The following PIAS2 variants were observed in gnomAD, a reference collection of about 807,000 sequenced individuals.
PIAS2 encodes the protein E3 SUMO-protein ligase PIAS2.
Under a neutral mutation model 69.7 loss-of-function variants are expected in PIAS2, and 19 were observed. The ratio of observed to expected loss-of-function variants is 0.27; its 90% CI spans 0.19 to 0.40. The LOEUF (loss-of-function observed/expected upper bound fraction) is 0.40, where lower values mean the gene tolerates loss of function less well. PIAS2 is among the 10% of genes least tolerant of loss of function. PIAS2 has a pLI of 1.00. For synonymous variants in PIAS2, 261 were observed against 263.2 expected, an observed-to-expected ratio of 0.99 and a Z score of 0.08; for missense variants, 624 against 757.0, an observed-to-expected ratio of 0.82 and a Z score of 2.06.
At chr18:46,838,541 CG>C (rs1364896278) in intron 8 of PIAS2, among the ~76,000 whole-genome samples, 4 of 152,066 alleles carry the variant, frequency 2.6e-5, no homozygotes, top group Non-Finnish European at 5.9e-5. Flanking sequence ...GTATGTGGCA[CG>C]ATATAACTCA....
chr18:46,899,235 C>T (rs1350028315), intron 1 of PIAS2, among the ~76,000 whole-genome samples: 1 of 151,880 alleles, frequency 6.6e-6, no homozygotes, highest in African/African-American at 2.4e-5. Flanking sequence ...GGAAGGGACA[C>T]AAAAAGTGAA....
At chr18:46,830,837 C>T (rs2043502478) in intron 9 of PIAS2, among the ~76,000 whole-genome samples, 1 of 152,150 alleles carries the variant, frequency 6.6e-6, no homozygotes, top group African/African-American at 2.4e-5. Context: ...CTACTTCCAA[C>T]TCATTGTACA....
chr18:46,817,221 T>G (rs928749004), intron 12 of PIAS2: 2 of 969,888 alleles, frequency 2.1e-6, no homozygotes, highest in African/African-American at 3.5e-5. Flanking sequence ...CAGTTCATGT[T>G]AGTAACTGAA....
intron 1 of PIAS2, among the ~76,000 whole-genome samples, chr18:46,902,705 A>AT (rs1478526407): frequency 6.6e-5 from 10 of 152,360 alleles, no homozygotes; most frequent in African/African-American, 2.4e-4. Context: ...TTTTGTAGAT[A>AT]TAGATGAGAT....
At chr18:46,813,732 C>T (rs1441957145) in intron 13 of PIAS2, among the ~76,000 whole-genome samples, 2 of 152,114 alleles carry the variant, frequency 1.3e-5, no homozygotes, top group Admixed American at 6.6e-5. Flanking sequence ...GCCAGAGGGA[C>T]AGCAACAAGT....
chr18:46,850,318 G>A lies in PIAS2; in HGVS notation c.727-3477C>T, dbSNP rs552959974. Reference sequence around the variant, plus strand: ...GAATTCAAAACTAGAGCCCCACACCGCACTTAGTTAGGTCTCTGAAGTCTC... The same window carrying A: ...GAATTCAAAACTAGAGCCCCACACCACACTTAGTTAGGTCTCTGAAGTCTC... On this transcript the variant is annotated intron_variant, in intron 5 of 13. Coordinates refer to ENST00000585916, the MANE Select transcript of PIAS2 (RefSeq NM_004671.5). Among the ~76,000 whole-genome samples the A allele has an allele frequency of 1.8e-4, 27 of 152,086 alleles. No individual in the cohort carries two copies. In the South Asian group the frequency reaches 2.7e-3, roughly 15 times the overall value.
intron 1 of PIAS2, among the ~76,000 whole-genome samples, chr18:46,892,209 C>A (rs773624519): frequency 6.6e-6 from 1 of 152,124 alleles, no homozygotes; most frequent in African/African-American, 2.4e-5. Flanking sequence ...CCAGAAGCAA[C>A]TGTTTAAAAC....
At chr18:46,916,116 T>A (rs2057844163) in intron 1 of PIAS2, among the ~76,000 whole-genome samples, 4 of 152,198 alleles carry the variant, frequency 2.6e-5, no homozygotes, top group Admixed American at 1.3e-4. Flanking sequence ...AACTTAATAA[T>A]TATTTTTGAA....
At chr18:46,835,639 T>G (rs2065086794) in intron 9 of PIAS2, among the ~76,000 whole-genome samples, 1 of 152,146 alleles carries the variant, frequency 6.6e-6, no homozygotes, top group African/African-American at 2.4e-5. Flanking sequence ...CTAGGATACT[T>G]TTCACTATAT....
At chr18:46,847,457 C>A (rs2046316572) in intron 5 of PIAS2, among the ~76,000 whole-genome samples, 1 of 151,320 alleles carries the variant, frequency 6.6e-6, no homozygotes, top group Admixed American at 6.6e-5. Context: ...ATGCTTTAAT[C>A]TACTTTTATG....
chr18:46,839,454 A>C (rs2044970603), intron 8 of PIAS2, among the ~76,000 whole-genome samples: 1 of 152,164 alleles, frequency 6.6e-6, no homozygotes, highest in Non-Finnish European at 1.5e-5. Flanking sequence ...GTTCTATTTG[A>C]ATAATCTATA....
At chr18:46,904,235 A>G (rs1490349536) in intron 1 of PIAS2, 1 of 152,210 alleles carries the variant, frequency 6.6e-6, no homozygotes, top group East Asian at 1.9e-4. Context: ...GAGTATACAG[A>G]ATGTCTCTGT....
chr18:46,848,532 G>A (rs2046478755), intron 5 of PIAS2, among the ~76,000 whole-genome samples: 1 of 152,058 alleles, frequency 6.6e-6, no homozygotes, highest in Non-Finnish European at 1.5e-5. Flanking sequence ...ACTAGTACTG[G>A]TAGTATCACA....
At chr18:46,828,821 C>T (rs1367967305) in intron 10 of PIAS2, among the ~76,000 whole-genome samples, 2 of 152,098 alleles carry the variant, frequency 1.3e-5, no homozygotes, top group African/African-American at 4.8e-5. Flanking sequence ...ATGTTATTAT[C>T]TGTAATGTAT....
chr18:46,881,178 C>A (rs1158467927), intron 2 of PIAS2, among the ~76,000 whole-genome samples: 7 of 152,084 alleles, frequency 4.6e-5, no homozygotes. Context: ...TACTTTCAAC[C>A]CCCTTCCTCT....
At chr18:46,823,244 C>T (rs1210914695) in intron 11 of PIAS2, among the ~76,000 whole-genome samples, 1 of 151,830 alleles carries the variant, frequency 6.6e-6, no homozygotes, top group East Asian at 1.9e-4. Context: ...AAAAAAAGTA[C>T]ATTTAACCTA....
At position 46,807,410 on chromosome 18, in the gene PIAS2, T is replaced by TTTTTTA. The variant is rs2040764255; in HGVS notation, c.*5022_*5023insTAAAAA. ...TTTTTTTTTTTTTTTTTTTTTTTTT[T>TTTTTTA]AGAGAGTCTTGCTTTGTTACCCAGG... On this transcript the variant is annotated 3_prime_UTR_variant, in exon 14 of 14. Transcript: ENST00000585916. The TTTTTTA allele has an allele frequency of 2.6e-5, 3 of 113,876 alleles. No homozygotes were observed. The highest frequency in any genetic ancestry group is 2.9e-4 in the South Asian group (1 of 3,390). The allele number at this position is 113,876 out of a possible 1,614,324, so 7.1% of individuals were successfully genotyped here. A position where few individuals can be genotyped will look rare whatever the true frequency, so the allele number is the denominator to read the frequency against.
intron 3 of PIAS2, among the ~76,000 whole-genome samples, chr18:46,855,997 G>GTT (rs1171297653): frequency 0.11 from 7,469 of 67,928 alleles, 1,937 homozygotes; most frequent in Non-Finnish European, 0.13. Context: ...TTTTTCTTTT[G>GTT]TTTTTTTTTT....
At chr18:46,825,317 G>C (rs1327004693) in intron 11 of PIAS2, among the ~76,000 whole-genome samples, 1 of 152,292 alleles carries the variant, frequency 6.6e-6, no homozygotes, top group Middle Eastern at 3.4e-3. Context: ...CTCTAACACA[G>C]AAAATATGAT....
Sources: gnomAD v4.1 joint callset for allele counts (sites outside exome capture counted in the v4.1 genomes callset) on GRCh38, gnomAD v4.1.1 for gene constraint, MANE v1.5 for transcripts, NCBI Gene and HGNC (gene_info 2026-07-23, HGNC 2026-07-21) for gene names.